The following TMEM18 variants were observed in gnomAD, a reference collection of about 807,000 sequenced individuals.
TMEM18 encodes the protein transmembrane protein 18.
Under a neutral mutation model 17.4 loss-of-function variants are expected in TMEM18, and 14 were observed. The observed-to-expected ratio is 0.80, with a 90% CI of 0.53 to 1.25. TMEM18 has a LOEUF of 1.25. Among genes scored for constraint, TMEM18 ranks in the 50% most tolerant of loss-of-function variants. TMEM18 has a pLI of 0.00. For missense variants in TMEM18, 187 were observed against 172.1 expected, an observed-to-expected ratio of 1.09 and a Z score of -0.48; for synonymous variants, 86 against 66.1, an observed-to-expected ratio of 1.30 and a Z score of -1.46.
At chr2:669,996 C>T (rs1305764104) in intron 3 of TMEM18, 146 bp from the exon 4 acceptor site, 32 of 632,560 alleles carry the variant, frequency 5.1e-5, no homozygotes, top group East Asian at 1.6e-4. Flanking sequence ...TTGGGAGCAG[C>T]GGTAATCTCC....
chr2:665,982 G>A lies in TMEM18; in HGVS notation c.*3598C>T, dbSNP rs79056179. 2.5e-4 allele frequency among the ~76,000 whole-genome samples: 37 copies of A among 147,508 alleles called. No individual in the cohort carries two copies. Among genetic ancestry groups the A allele is most frequent in the East Asian group, 1.9e-3 (9 of 4,856 alleles). ...AGAGATGCGGATGCCCAGCTCACTC[G>A]GATGGAGTATTAACCCCATGTACAA... On this transcript the variant is annotated 3_prime_UTR_variant, in exon 5 of 5. Coordinates refer to ENST00000281017, the MANE Select transcript of TMEM18 (RefSeq NM_152834.4).
chr2:670,039 T>C (rs1049331531), intron 3 of TMEM18, 189 bp from the exon 4 acceptor site: 10 of 575,022 alleles, frequency 1.7e-5, no homozygotes, highest in African/African-American at 3.8e-5. Flanking sequence ...GAATGCTCAT[T>C]ATGAAGAAAA....
chr2:674,274 T>C (rs1242944967), intron 2 of TMEM18, among the ~76,000 whole-genome samples: 1 of 152,194 alleles, frequency 6.6e-6, no homozygotes, highest in East Asian at 1.9e-4. Flanking sequence ...GCTCAGCTGG[T>C]GAAGCCATCA....
At chr2:669,729 A>C (rs1678788137) in intron 4 of TMEM18, 28 bp downstream of exon 4, 1 of 1,613,984 alleles carries the variant, frequency 6.2e-7, no homozygotes, top group Non-Finnish European at 8.5e-7. Context: ...CACATGAAGA[A>C]AGACAACTGA....
Position 666,890 on chromosome 2 carries a change from T to C in TMEM18, c.*2690A>G, listed in dbSNP as rs906043651. On this transcript the variant is annotated 3_prime_UTR_variant, in exon 5 of 5. Transcript: ENST00000281017. Reference sequence around the variant, plus strand: ...ATCCAGACAAGGAAGCCTGAAGTTCTTTTCCAGGGAAAAGATGCTTGGGCC... The same window carrying C: ...ATCCAGACAAGGAAGCCTGAAGTTCCTTTCCAGGGAAAAGATGCTTGGGCC... 1.3e-5 allele frequency among the ~76,000 whole-genome samples: 2 copies of C among 152,118 alleles called. No individual in the cohort carries two copies. Among genetic ancestry groups the C allele is most frequent in the African/African-American group, 2.4e-5 (1 of 41,408 alleles).
intron 2 of TMEM18, among the ~76,000 whole-genome samples, chr2:673,711 G>C (rs1678918159): frequency 7.1e-6 from 1 of 141,502 alleles, no homozygotes; most frequent in African/African-American, 2.6e-5. Context: ...AATGCACAGG[G>C]AAAGAACCAG....
At chr2:676,632 G>GT (rs1237238754) in intron 1 of TMEM18, 1 of 1,550,202 alleles carries the variant, frequency 6.5e-7, no homozygotes, top group African/African-American at 1.4e-5. Context: ...ACCCCATCGA[G>GT]TGCCCATGTC....
Position 669,589 on chromosome 2 carries a change from T to C in TMEM18, c.414A>G (p.Lys138=), listed in dbSNP as rs141511145. The C allele has an allele frequency of 5.2e-5, 84 of 1,614,082 alleles. No homozygotes were observed. The highest frequency in any genetic ancestry group is 6.9e-5 in the Non-Finnish European group (81 of 1,180,026). Residue 138 remains lysine (K), a synonymous_variant, in exon 5 of 5, where the codon AAA becomes AAG. Coordinates refer to ENST00000281017, the MANE Select transcript of TMEM18 (RefSeq NM_152834.4). ...AAGCAGCTGCTGCCCCTCAGTCTTC[T>C]TTCCTTCTCCTTTTCTTTTCCTTTC... ...ERRKEKKRRR[K]ED is the part of the protein sequence containing the mutation.
At chr2:676,613 T>C (rs1483550073) in intron 1 of TMEM18, 1 of 1,550,464 alleles carries the variant, frequency 6.4e-7, no homozygotes, top group South Asian at 1.2e-5. Flanking sequence ...AGCACGGCTT[T>C]CTGCCCAGAC....
intron 3 of TMEM18, chr2:670,884 G>A (rs1372538582): frequency 1.3e-5 from 2 of 152,440 alleles, no homozygotes; most frequent in African/African-American, 4.8e-5. Context: ...CGCTTCCCCA[G>A]GATGCCCAAG....
chr2:675,840 T>G (rs1678990449), intron 1 of TMEM18: 2 of 1,519,576 alleles, frequency 1.3e-6, no homozygotes, highest in African/African-American at 2.7e-5. Context: ...GGAAACAGGA[T>G]TCTCCCCTCA....
rs980796822 is a variant in TMEM18 at position 676,757 on chromosome 2, A to G, written c.57+532T>C. 122 of 987,322 alleles carry G rather than the reference A, an allele frequency of 1.2e-4. No individual in the cohort carries two copies. The African/African-American group carries it at 1.7e-3, about 13-fold the overall frequency. The allele number at this position is 987,322 out of a possible 1,614,324, so 61.2% of individuals were successfully genotyped here. A position where few individuals can be genotyped will look rare whatever the true frequency, so the allele number is the denominator to read the frequency against. On this transcript the variant is annotated intron_variant, in intron 1 of 4. Transcript: ENST00000281017. The stretch of plus-strand genomic sequence containing the variant: ...TTCCTCCGTGCCACCCCACACGATC[A>G]GGCTCCACCACGCACGCCCCGCCGC...
Position 669,548 on chromosome 2 carries a change from G to A in TMEM18, c.*32C>T, listed in dbSNP as rs1476496550. On this transcript the variant is annotated 3_prime_UTR_variant, in exon 5 of 5. Transcript: ENST00000281017. ...ACTGGGAGCTGCACTGGGTGGACGG[G>A]AAGGACGCAAACTCCAAGCAGCTGC... 2.3e-5 allele frequency: 37 copies of A among 1,609,620 alleles called. No individual in the cohort carries two copies. The highest frequency in any genetic ancestry group is 2.9e-5 in the Non-Finnish European group (34 of 1,176,110).
chr2:673,993 G>A (rs1678929864), intron 2 of TMEM18, among the ~76,000 whole-genome samples: 1 of 152,148 alleles, frequency 6.6e-6, no homozygotes, highest in African/African-American at 2.4e-5. Flanking sequence ...ATGCACCCTG[G>A]AGCAGAGTCT....
At position 666,587 on chromosome 2, in the gene TMEM18, G is replaced by A. The variant is rs1218076910; in HGVS notation, c.*2993C>T. Among the ~76,000 whole-genome samples, 3 of 152,078 alleles carry A rather than the reference G, an allele frequency of 2.0e-5. No individual in the cohort carries two copies. Among genetic ancestry groups the A allele is most frequent in the Non-Finnish European group, 2.9e-5 (2 of 68,014 alleles). On this transcript the variant is annotated 3_prime_UTR_variant, in exon 5 of 5. Coordinates refer to ENST00000281017, the MANE Select transcript of TMEM18 (RefSeq NM_152834.4). ...GGCACCCACAGCCTGCGTGGGCCTC[G>A]CCGCCCCATCCTGCCTTCCCTGTGC... is the stretch of plus-strand genomic sequence containing the variant.
At chr2:674,156 A>C (rs1678933609) in intron 2 of TMEM18, among the ~76,000 whole-genome samples, 1 of 152,338 alleles carries the variant, frequency 6.6e-6, no homozygotes, top group South Asian at 2.1e-4. Flanking sequence ...CAGGCAGCAC[A>C]GTGTCTAGTA....
At chr2:676,905 C>T in intron 1 of TMEM18, 1 of 574,186 alleles carries the variant, frequency 1.7e-6, no homozygotes, top group Non-Finnish European at 3.1e-6. Context: ...CAGCCACGCC[C>T]GCACGGTGCA....
In TMEM18 at chr2:664,293, C is replaced by A. The variant is rs1678618605; in HGVS notation, c.*5287G>T. Reference sequence around the variant, plus strand: ...CTTGGGAGGAGGTGGAACCTCAGCTCTTCACAGTTCCTGATGATACATAAA... The same window carrying A: ...CTTGGGAGGAGGTGGAACCTCAGCTATTCACAGTTCCTGATGATACATAAA... On this transcript the variant is annotated 3_prime_UTR_variant, in exon 5 of 5. Coordinates refer to ENST00000281017, the MANE Select transcript of TMEM18 (RefSeq NM_152834.4). Among the ~76,000 whole-genome samples the A allele has an allele frequency of 6.6e-6, 1 of 152,212 alleles. No individual in the cohort carries two copies. The highest frequency in any genetic ancestry group is 2.4e-5 in the African/African-American group (1 of 41,440).
In TMEM18 at chr2:669,561, T is replaced by C; in HGVS notation, c.*19A>G. On this transcript the variant is annotated 3_prime_UTR_variant, in exon 5 of 5. Coordinates refer to ENST00000281017, the MANE Select transcript of TMEM18 (RefSeq NM_152834.4). The stretch of plus-strand genomic sequence containing the variant: ...CTGGGTGGACGGGAAGGACGCAAAC[T>C]CCAAGCAGCTGCTGCCCCTCAGTCT... 6 of 1,613,812 alleles carry C rather than the reference T, an allele frequency of 3.7e-6. No individual in the cohort carries two copies. Among genetic ancestry groups the C allele is most frequent in the Non-Finnish European group, 5.1e-6 (6 of 1,179,720 alleles).
Sources: allele counts gnomAD v4.1 joint callset (sites outside exome capture counted in the v4.1 genomes callset), GRCh38; gene constraint gnomAD v4.1.1; transcripts MANE v1.5; gene names NCBI Gene and HGNC (gene_info 2026-07-23, HGNC 2026-07-21).